The following UBE3A variants were observed in gnomAD, a reference collection of about 807,000 sequenced individuals.
The protein encoded by UBE3A is ubiquitin protein ligase E3A.
UBE3A carries 6 observed loss-of-function variants against 83.4 expected under a neutral mutation model. The ratio of observed to expected loss-of-function variants is 0.07; its 90% CI spans 0.04 to 0.14. UBE3A has a LOEUF of 0.14. Among genes scored for constraint, UBE3A ranks in the 10% least tolerant of loss-of-function variants. UBE3A has a pLI of 1.00. For missense variants in UBE3A, 456 were observed against 1,036.1 expected (o/e 0.44, Z 7.69); for synonymous variants, 337 against 355.4 (o/e 0.95, Z 0.58).
rs1290878534 is a variant in UBE3A, at chr15:25,338,723, T to C, written c.*414A>G. 1 of 152,476 alleles carries C rather than the reference T, an allele frequency of 6.6e-6. No individual in the cohort carries two copies. Among genetic ancestry groups the C allele is most frequent in the East Asian group, 1.9e-4 (1 of 5,206 alleles). 9.4% of individuals were successfully genotyped at this position (152,476 alleles called of 1,614,324 possible). A position where few individuals can be genotyped will look rare whatever the true frequency, so the allele number is the denominator to read the frequency against. On this transcript the variant is annotated 3_prime_UTR_variant, in exon 13 of 13. Coordinates refer to ENST00000648336, the MANE Select transcript of UBE3A (RefSeq NM_130839.5). ...TGGTCTACAAATGGTGGCAATATTT[T>C]CCTTGGGAGAGTAGTTCTGTTGGTA...
At chr15:25,417,307 A>C (rs1458462055) in intron 1 of UBE3A, among the ~76,000 whole-genome samples, 2 of 152,146 alleles carry the variant, frequency 1.3e-5, no homozygotes, top group Non-Finnish European at 2.9e-5. Context: ...CCCTGAAGGG[A>C]TAAAACTGAC....
chr15:25,341,729 C>T (rs1198363583), intron 11 of UBE3A, among the ~76,000 whole-genome samples: 2 of 137,812 alleles, frequency 1.5e-5, no homozygotes, highest in East Asian at 4.5e-4. Flanking sequence ...CACCATTGCA[C>T]TCTAGCCTGG....
chr15:25,428,806 T>C (rs1308988960), intron 1 of UBE3A, among the ~76,000 whole-genome samples: 7 of 152,148 alleles, frequency 4.6e-5, no homozygotes, highest in East Asian at 1.9e-4. Flanking sequence ...TGATAAAGTA[T>C]ACATGGGCAT....
intron 1 of UBE3A, among the ~76,000 whole-genome samples, chr15:25,421,695 A>G (rs1264401258): frequency 6.6e-6 from 1 of 152,222 alleles, no homozygotes; most frequent in Non-Finnish European, 1.5e-5. Context: ...ACACTTAAAA[A>G]TAGTTAAAAT....
chr15:25,396,665 T>G (rs2085644477), intron 4 of UBE3A, among the ~76,000 whole-genome samples: 1 of 151,968 alleles, frequency 6.6e-6, no homozygotes, highest in South Asian at 2.1e-4. Flanking sequence ...CTAAAGTAAA[T>G]CCAGGTAAAA....
intron 4 of UBE3A, among the ~76,000 whole-genome samples, chr15:25,403,800 A>G (rs1319156441): frequency 2.6e-5 from 4 of 152,200 alleles, no homozygotes; most frequent in African/African-American, 7.2e-5. Flanking sequence ...GAAACATGCT[A>G]AAGATGGATG....
rs552164311 is a variant in UBE3A, at chr15:25,392,244, C to T, written c.62+13217G>A. On this transcript the variant is annotated intron_variant, in intron 4 of 12. Coordinates refer to ENST00000648336, the MANE Select transcript of UBE3A (RefSeq NM_130839.5). ...AGAATCTGCTCTAGTCAGGTCATCA[C>T]TTTTCACTACTTATTTTACTTGGCC... Among the ~76,000 whole-genome samples, 5 of 152,298 alleles carry T rather than the reference C, an allele frequency of 3.3e-5. No individual in the cohort carries two copies. In the South Asian group the frequency reaches 1.0e-3, roughly 32 times the overall value.
In UBE3A at chr15:25,335,380, C is replaced by G. The variant is rs1187245686; in HGVS notation, c.*3757G>C. 2 of 152,332 alleles carry G rather than the reference C, an allele frequency of 1.3e-5. No homozygotes were observed. The highest frequency in any genetic ancestry group is 1.9e-4 in the East Asian group (1 of 5,182). 9.4% of individuals were successfully genotyped at this position (152,332 alleles called of 1,614,324 possible). A position where few individuals can be genotyped will look rare whatever the true frequency, so the allele number is the denominator to read the frequency against. On this transcript the variant is annotated 3_prime_UTR_variant, in exon 13 of 13. Coordinates refer to ENST00000648336, the MANE Select transcript of UBE3A (RefSeq NM_130839.5). ...AGTGAGGGGGCAATCTGTGGAGGCA[C>G]TGAATGCAGAGGATATTAAAATTAG...
At chr15:25,429,400 T>A (rs1476464959) in intron 1 of UBE3A, among the ~76,000 whole-genome samples, 1 of 152,188 alleles carries the variant, frequency 6.6e-6, no homozygotes, top group East Asian at 1.9e-4. Flanking sequence ...CTGGATGTTT[T>A]AAAAATTTTA....
Position 25,336,583 on chromosome 15 carries a change from C to CT in UBE3A, c.*2553_*2554insA, listed in dbSNP as rs2073974183. On this transcript the variant is annotated 3_prime_UTR_variant, in exon 13 of 13. Transcript: ENST00000648336. Reference sequence around the variant, plus strand: ...TCTATCTATCTATCATCTCCCTATACAAGCAAGCATCCCCAAAAGTAGTTG... The same window carrying CT: ...TCTATCTATCTATCATCTCCCTATACTAAGCAAGCATCCCCAAAAGTAGTTG... The CT allele has an allele frequency of 6.6e-6, 1 of 152,076 alleles. No individual in the cohort carries two copies. Among genetic ancestry groups the CT allele is most frequent in the African/African-American group, 2.4e-5 (1 of 41,384 alleles). 9.4% of individuals were successfully genotyped at this position (152,076 alleles called of 1,614,324 possible). A position where few individuals can be genotyped will look rare whatever the true frequency, so the allele number is the denominator to read the frequency against.
At chr15:25,358,139 AG>A (rs1318739745) in intron 7 of UBE3A, among the ~76,000 whole-genome samples, 1 of 152,028 alleles carries the variant, frequency 6.6e-6, no homozygotes, top group African/African-American at 2.4e-5. Context: ...GGGGAGGCTG[AG>A]GCAGGCAGAT....
chr15:25,352,749 TTCA>T (rs2076689287), intron 11 of UBE3A, among the ~76,000 whole-genome samples: 1 of 152,246 alleles, frequency 6.6e-6, no homozygotes. Context: ...AATTAATATT[TTCA>T]TCATATTTAT....
chr15:25,430,326 A>G (rs1449136986), intron 1 of UBE3A, among the ~76,000 whole-genome samples: 4 of 107,520 alleles, frequency 3.7e-5, no homozygotes, highest in African/African-American at 1.5e-4. Flanking sequence ...TATATATATT[A>G]TATATATAAT....
intron 11 of UBE3A, among the ~76,000 whole-genome samples, chr15:25,350,195 G>A (rs1566869398): frequency 6.6e-6 from 1 of 151,998 alleles, no homozygotes. Context: ...CAGATACTCA[G>A]AGGACTGAGG....
chr15:25,339,976 T>C, intron 12 of UBE3A, 109 bp downstream of exon 12: 1 of 1,395,690 alleles, frequency 7.2e-7, no homozygotes, highest in Non-Finnish European at 1.0e-6. Context: ...TGGGGATTTG[T>C]ATATAAAATC....
intron 4 of UBE3A, among the ~76,000 whole-genome samples, chr15:25,398,771 T>TTATATATATATATATATATATA (rs1159969391): frequency 5.8e-5 from 4 of 68,952 alleles, no homozygotes; most frequent in African/African-American, 8.9e-5. Flanking sequence ...ATTCTTTTAT[T>TTATATATATATATATATATATA]TATATATATA....
intron 1 of UBE3A, among the ~76,000 whole-genome samples, chr15:25,429,658 G>A (rs1008925088): frequency 2.0e-5 from 3 of 151,706 alleles, no homozygotes; most frequent in Non-Finnish European, 2.9e-5. Context: ...GACCAGGCTG[G>A]GTAATATAGT....
At chr15:25,403,376 TG>T (rs1215858502) in intron 4 of UBE3A, among the ~76,000 whole-genome samples, 1 of 152,172 alleles carries the variant, frequency 6.6e-6, no homozygotes, top group African/African-American at 2.4e-5. Context: ...AAAAGTTTCG[TG>T]GTCACTAACC....
chr15:25,400,899 T>A lies in UBE3A; in HGVS notation c.62+4562A>T, dbSNP rs975831891. On this transcript the variant is annotated intron_variant, in intron 4 of 12. Coordinates refer to ENST00000648336, the MANE Select transcript of UBE3A (RefSeq NM_130839.5). ...TTCCTGATCTCAAAAGAAAAGCTTT[T>A]AACTTTTCAACATTCAGTATAACGT... Among the ~76,000 whole-genome samples, 22 of 152,250 alleles carry A rather than the reference T, an allele frequency of 1.4e-4. No homozygotes were observed. In the East Asian group the frequency reaches 2.3e-3, roughly 16 times the overall value.
Sources: allele counts gnomAD v4.1 joint callset (sites outside exome capture counted in the v4.1 genomes callset), GRCh38; gene constraint gnomAD v4.1.1; transcripts MANE v1.5; gene names NCBI Gene and HGNC (gene_info 2026-07-23, HGNC 2026-07-21).